Variants in TULP3 observed in about 807,000 individuals in gnomAD.
TULP3 encodes TUB like protein 3.
In TULP3, 38 loss-of-function variants were observed where a neutral mutation model predicts 50.7. The observed-to-expected ratio is 0.75, with a 90% CI of 0.58 to 0.98. The LOEUF (loss-of-function observed/expected upper bound fraction) is 0.98. Among genes scored for constraint, TULP3 ranks in the 50% least tolerant of loss-of-function variants. The pLI, the probability that TULP3 is intolerant of heterozygous loss-of-function variation, is 0.00. For missense variants in TULP3, 550 were observed against 568.0 expected (o/e 0.97, Z 0.32); for synonymous variants, 183 against 196.6 (o/e 0.93, Z 0.58).
At chr12:2,908,519 C>G (rs995130099) in intron 1 of TULP3, among the ~76,000 whole-genome samples, 1 of 151,984 alleles carries the variant, frequency 6.6e-6, no homozygotes, top group Non-Finnish European at 1.5e-5. Context: ...TCCACCTCCC[C>G]GGTTCAAGCG....
rs373807687 is a variant in TULP3, at chr12:2,922,855, A to ATT, written c.394+468_394+469dup. ...GTCTTCTTTCCTTTTTAGAAAAATA[A>ATT]TTTTTTTTTTTTTTTTGAGACAAAG... On this transcript the variant is annotated intron_variant, in intron 4 of 10. Coordinates refer to ENST00000448120, the MANE Select transcript of TULP3 (RefSeq NM_003324.5). Among the ~76,000 whole-genome samples the ATT allele has an allele frequency of 1.3e-3, 174 of 136,776 alleles. 3 individuals carry two copies. The highest frequency in any genetic ancestry group is 5.0e-3 in the South Asian group (22 of 4,378). 89.7% of individuals were successfully genotyped at this position (136,776 alleles called of 152,430 possible). A position where few individuals can be genotyped will look rare whatever the true frequency, so the allele number is the denominator to read the frequency against.
chr12:2,927,366 ATTT>A (rs71057864), intron 4 of TULP3, among the ~76,000 whole-genome samples: 1,615 of 105,210 alleles, frequency 0.015, 66 homozygotes, highest in African/African-American at 0.059. Context: ...GTTGAGACTG[ATTT>A]TTTTTTTTTT....
intron 4 of TULP3, among the ~76,000 whole-genome samples, chr12:2,929,431 A>T (rs1197832324): frequency 1.3e-5 from 2 of 152,190 alleles, no homozygotes; most frequent in African/African-American, 4.8e-5. Context: ...CACCTCAGCT[A>T]GCTAGGACTA....
intron 2 of TULP3, among the ~76,000 whole-genome samples, chr12:2,915,542 T>G (rs987497578): frequency 5.4e-3 from 22 of 4,090 alleles, no homozygotes; most frequent in Admixed American, 9.0e-3. Context: ...GTTTTTTTAT[T>G]TTGTTTTTTT....
intron 1 of TULP3, among the ~76,000 whole-genome samples, chr12:2,904,865 G>A (rs973143035): frequency 3.3e-5 from 5 of 152,062 alleles, no homozygotes; most frequent in African/African-American, 4.8e-5. Context: ...TTGGGAGGCC[G>A]AGGTGGTCAG....
At chr12:2,894,710 A>T (rs371731360) in intron 1 of TULP3, among the ~76,000 whole-genome samples, 1 of 152,184 alleles carries the variant, frequency 6.6e-6, no homozygotes, top group Admixed American at 6.5e-5. Flanking sequence ...CCCAACCAAC[A>T]TGGCGAAACC....
Position 2,934,317 on chromosome 12 carries a change from G to T in TULP3, c.810-130G>T, listed in dbSNP as rs367764459. ...TTCCTTGCTTTAATGAGATATTTTT[G>T]AAAAAGTGATGATGAACATTGAGAC... On this transcript the variant is annotated intron_variant, in intron 7 of 10. Coordinates refer to ENST00000448120, the MANE Select transcript of TULP3 (RefSeq NM_003324.5). 138 of 568,964 alleles carry T rather than the reference G, an allele frequency of 2.4e-4. 1 individual carries two copies. The highest frequency in any genetic ancestry group is 2.3e-3 in the African/African-American group (120 of 51,714). 35.2% of individuals were successfully genotyped at this position (568,964 alleles called of 1,614,324 possible).
At position 2,940,827 on chromosome 12, in the gene TULP3, C is replaced by A. The variant is rs2098204403; in HGVS notation, c.*1383C>A. 9.1e-7 allele frequency: 1 copy of A among 1,098,954 alleles called. No individual in the cohort carries two copies. Among genetic ancestry groups the A allele is most frequent in the Non-Finnish European group, 1.3e-6 (1 of 774,786 alleles). The allele number at this position is 1,098,954 out of a possible 1,614,324, so 68.1% of individuals were successfully genotyped here. On this transcript the variant is annotated 3_prime_UTR_variant, in exon 11 of 11. Coordinates refer to ENST00000448120, the MANE Select transcript of TULP3 (RefSeq NM_003324.5). Reference sequence around the variant, plus strand: ...GACTGTTTCCATCTCAGGCATGTATCCCACCAAGTGCCTCCCTCACAGCCA... The same window carrying A: ...GACTGTTTCCATCTCAGGCATGTATACCACCAAGTGCCTCCCTCACAGCCA...
rs555613341 is a variant in TULP3, at chr12:2,933,377, C to T, written c.697-41C>T. ...ACCATGACCAGAGGTGGGGCAGGTT[C>T]TCTGGACTTCATTTTTGACTGACAC... On this transcript the variant is annotated intron_variant, in intron 6 of 10. Coordinates refer to ENST00000448120, the MANE Select transcript of TULP3 (RefSeq NM_003324.5). 3.7e-4 allele frequency: 502 copies of T among 1,354,440 alleles called. 7 individuals are homozygous for T. In the South Asian group the frequency reaches 5.6e-3, roughly 15 times the overall value. The allele number at this position is 1,354,440 out of a possible 1,614,324, so 83.9% of individuals were successfully genotyped here.
At chr12:2,933,618 G>A (rs984029315) in intron 7 of TULP3, 88 bp downstream of exon 7, 1 of 715,656 alleles carries the variant, frequency 1.4e-6, no homozygotes, top group Non-Finnish European at 2.3e-6. Flanking sequence ...GTTACAACTA[G>A]CATGTATTGA....
intron 5 of TULP3, among the ~76,000 whole-genome samples, chr12:2,930,547 C>T (rs144213538): frequency 0.012 from 1,814 of 152,212 alleles, 35 homozygotes; most frequent in African/African-American, 0.041. Flanking sequence ...CCTCAATCTC[C>T]CGAGTAGCTG....
At position 2,930,529 on chromosome 12, in the gene TULP3, T is replaced by C. The variant is rs2098197364; in HGVS notation, c.492+184T>C. ...AACTCCGCCTCCCGGGTTCACGCCA[T>C]TCTCCTGCCTCAATCTCCCGAGTAG... On this transcript the variant is annotated intron_variant, in intron 5 of 10. Coordinates refer to ENST00000448120, the MANE Select transcript of TULP3 (RefSeq NM_003324.5). 7.2e-5 allele frequency among the ~76,000 whole-genome samples: 11 copies of C among 152,298 alleles called. No individual in the cohort carries two copies. The South Asian group carries it at 1.7e-3, about 23-fold the overall frequency.
intron 2 of TULP3, 139 bp from the exon 3 acceptor site, chr12:2,920,624 T>C: frequency 9.7e-7 from 1 of 1,034,528 alleles, no homozygotes; most frequent in Non-Finnish European, 1.4e-6. Context: ...TGTGCCTCAG[T>C]TTTCCCATTT....
At chr12:2,915,100 T>C (rs1013436721) in intron 2 of TULP3, among the ~76,000 whole-genome samples, 1 of 152,164 alleles carries the variant, frequency 6.6e-6, no homozygotes, top group Non-Finnish European at 1.5e-5. Context: ...GCGATTCTTA[T>C]GCCTCAGCCT....
In TULP3 at chr12:2,937,679, A is replaced by C. The variant is rs752590569; in HGVS notation, c.973A>C (p.Ile325Leu). The change falls in exon 9 of 11, where the codon ATT becomes CTT. Residue 325 changes from isoleucine to leucine, a missense_variant. Transcript: ENST00000448120. ...AGGTCCTAGGAAAATGTCTGTGATC[A>C]TTCCTGGAATGACACTGAATCATAA... ...FKGPRKMSVIIPGMTLNHKQI... is the reference protein window; with the variant it reads ...FKGPRKMSVILPGMTLNHKQI... 1.9e-6 allele frequency: 3 copies of C among 1,613,426 alleles called. No individual in the cohort carries two copies. The Admixed American group carries it at 5.0e-5, about 27-fold the overall frequency.
chr12:2,921,202 G>C (rs961375746), intron 3 of TULP3, among the ~76,000 whole-genome samples: 1 of 152,010 alleles, frequency 6.6e-6, no homozygotes, highest in African/African-American at 2.4e-5. Context: ...GCAATGGCGC[G>C]ATCTTGGCTC....
intron 1 of TULP3, among the ~76,000 whole-genome samples, chr12:2,900,431 T>G (rs2098178466): frequency 1.3e-5 from 2 of 152,130 alleles, no homozygotes; most frequent in African/African-American, 2.4e-5. Flanking sequence ...AAAATTTAAA[T>G]GTCCAAAAAC....
At position 2,920,891 on chromosome 12, in the gene TULP3, T is replaced by C; in HGVS notation, c.222T>C (p.Cys74=). 1 of 1,614,134 alleles carries C rather than the reference T, an allele frequency of 6.2e-7. No homozygotes were observed. The highest frequency in any genetic ancestry group is 8.5e-7 in the Non-Finnish European group (1 of 1,180,020). ...ASDEQTPLVN[C]HTPHSNVILH... ...ATGAGCAGACTCCCTTGGTGAACTGTCATACTCCCCACAGCAATGTCATCT... is the reference window on the plus strand; with the variant it reads ...ATGAGCAGACTCCCTTGGTGAACTGCCATACTCCCCACAGCAATGTCATCT... The change falls in exon 3 of 11, where the codon TGT becomes TGC. Residue 74 remains cysteine, a synonymous_variant. Transcript: ENST00000448120.
At chr12:2,937,773 A>C (rs373131285) in intron 9 of TULP3, 44 bp downstream of exon 9, 26 of 1,422,666 alleles carry the variant, frequency 1.8e-5, no homozygotes, top group East Asian at 2.3e-5. Context: ...TCTAAAAGAC[A>C]GTAGTACAAT....
Sources: gnomAD v4.1 joint callset for allele counts (sites outside exome capture counted in the v4.1 genomes callset) on GRCh38, gnomAD v4.1.1 for gene constraint, MANE v1.5 for transcripts, NCBI Gene and HGNC (gene_info 2026-07-23, HGNC 2026-07-21) for gene names.